GALNT18: variants seen among roughly 807,000 people sequenced by gnomAD.
GALNT18 encodes the protein polypeptide N-acetylgalactosaminyltransferase 18, also known as GalNAc-transferase 18.
GALNT18 carries 44 observed loss-of-function variants against 69.5 expected under a neutral mutation model. That is an observed-to-expected ratio of 0.63 (90% CI 0.50 to 0.81). GALNT18 has a LOEUF of 0.81. GALNT18 is among the 40% of genes least tolerant of loss of function. The pLI is 0.00. For synonymous variants in GALNT18, 364 were observed against 318.2 expected, an observed-to-expected ratio of 1.14 and a Z score of -1.53; for missense variants, 715 against 810.0, an observed-to-expected ratio of 0.88 and a Z score of 1.42.
intron 1 of GALNT18, among the ~76,000 whole-genome samples, chr11:11,504,760 A>AAT (rs35308753): frequency 0.56 from 83,408 of 149,504 alleles, 23,269 homozygotes; most frequent in East Asian, 0.74. Flanking sequence ...CCCATCTCAA[A>AAT]ATATATATAT....
chr11:11,390,900 A>G (rs1854175545), intron 3 of GALNT18, among the ~76,000 whole-genome samples: 1 of 152,162 alleles, frequency 6.6e-6, no homozygotes, highest in Admixed American at 6.5e-5. Flanking sequence ...ACAAGACTTA[A>G]ACTCTCTGAG....
chr11:11,471,546 T>C (rs1230851275), intron 1 of GALNT18, among the ~76,000 whole-genome samples: 5 of 152,166 alleles, frequency 3.3e-5, no homozygotes, highest in Admixed American at 3.3e-4. Context: ...CTTTCAATGC[T>C]TCCCCCTTTC....
chr11:11,560,075 T>C (rs1401937795), intron 1 of GALNT18, among the ~76,000 whole-genome samples: 1 of 49,400 alleles, frequency 2.0e-5, no homozygotes, highest in African/African-American at 7.9e-5. Context: ...TGGAATAGAA[T>C]GGGATATGAT....
chr11:11,374,213 T>A (rs1282823536), intron 5 of GALNT18, among the ~76,000 whole-genome samples: 1 of 152,140 alleles, frequency 6.6e-6, no homozygotes, highest in Non-Finnish European at 1.5e-5. Flanking sequence ...GCCTTCGAGG[T>A]AGTCTCTCTG....
intron 10 of GALNT18, among the ~76,000 whole-genome samples, chr11:11,278,240 TAGAC>T (rs1322000806): frequency 1.3e-5 from 2 of 151,562 alleles, no homozygotes; most frequent in East Asian, 3.9e-4. Context: ...CCTTTAATGT[TAGAC>T]AGATCAATGA....
In GALNT18 at chr11:11,595,797, T is replaced by C. The variant is rs189777800; in HGVS notation, c.235+25562A>G. ...TTCTGGATATTAACCCCTTACCAGA[T>C]AAATGACTCCCAAATATTTTCCCCA... On this transcript the variant is annotated intron_variant, in intron 1 of 10. Coordinates refer to ENST00000227756, the MANE Select transcript of GALNT18 (RefSeq NM_198516.3). The surrounding 1 kb of genome is among the most constrained non-coding windows in gnomAD (Gnocchi z 5.2). Among the ~76,000 whole-genome samples the C allele has an allele frequency of 1.2e-4, 18 of 152,350 alleles. No homozygotes were observed. Among genetic ancestry groups the C allele is most frequent in the Admixed American group, 1.0e-3 (16 of 15,306 alleles).
chr11:11,605,508 T>C lies in GALNT18; in HGVS notation c.235+15851A>G, dbSNP rs1025859166. The stretch of plus-strand genomic sequence containing the variant: ...TCTGAGGTTCTCACAGACCTCGGGG[T>C]GAACAGGAGGCCCTCTGTTTCTGCT... On this transcript the variant is annotated intron_variant, in intron 1 of 10. Coordinates refer to ENST00000227756, the MANE Select transcript of GALNT18 (RefSeq NM_198516.3). The surrounding 1 kb of genome is among the most constrained non-coding windows in gnomAD (Gnocchi z 4.7). 3.9e-5 allele frequency among the ~76,000 whole-genome samples: 6 copies of C among 152,222 alleles called. No homozygotes were observed. The highest frequency in any genetic ancestry group is 5.9e-5 in the Non-Finnish European group (4 of 68,002).
At chr11:11,298,626 G>A (rs1211765823) in intron 9 of GALNT18, among the ~76,000 whole-genome samples, 2 of 152,226 alleles carry the variant, frequency 1.3e-5, no homozygotes, top group Non-Finnish European at 2.9e-5. Context: ...GGGACTACCA[G>A]GGCCGTTCCC....
chr11:11,402,576 C>G lies in GALNT18; in HGVS notation c.596-23312G>C, dbSNP rs1306133041. On this transcript the variant is annotated intron_variant, in intron 3 of 10. Transcript: ENST00000227756. The surrounding 1 kb of genome is among the most constrained non-coding windows in gnomAD (Gnocchi z 4.0). Reference sequence around the variant, plus strand: ...GTGACACTGAGGACATCAGCCACAGCTCTTGGAGAGAAGGATTGCACATGG... The same window carrying G: ...GTGACACTGAGGACATCAGCCACAGGTCTTGGAGAGAAGGATTGCACATGG... Among the ~76,000 whole-genome samples, 2 of 152,224 alleles carry G rather than the reference C, an allele frequency of 1.3e-5. No homozygotes were observed. Among genetic ancestry groups the G allele is most frequent in the Non-Finnish European group, 2.9e-5 (2 of 68,042 alleles).
chr11:11,599,856 A>G (rs1859593602), intron 1 of GALNT18, among the ~76,000 whole-genome samples: 1 of 151,982 alleles, frequency 6.6e-6, no homozygotes, highest in Admixed American at 6.6e-5. Flanking sequence ...AAGTGATTCA[A>G]TCAAGTTAAC....
chr11:11,332,566 C>T lies in GALNT18; in HGVS notation c.1416+128G>A, dbSNP rs137890362. 9.5e-6 allele frequency: 10 copies of T among 1,047,392 alleles called. No homozygotes were observed. The highest frequency in any genetic ancestry group is 1.6e-5 in the African/African-American group (1 of 63,542). 64.9% of individuals were successfully genotyped at this position (1,047,392 alleles called of 1,614,324 possible). A position where few individuals can be genotyped will look rare whatever the true frequency, so the allele number is the denominator to read the frequency against. ...TGTCTTGCAGGTGCAGAACCCAGCG[C>T]CCGGTCCCCAGGCCTACTGCAGTTC... On this transcript the variant is annotated intron_variant, in intron 8 of 10. Transcript: ENST00000227756. The surrounding 1 kb of genome is among the most constrained non-coding windows in gnomAD (Gnocchi z 4.3).
chr11:11,512,122 CTTTAT>C (rs1189735229), intron 1 of GALNT18, among the ~76,000 whole-genome samples: 2 of 152,192 alleles, frequency 1.3e-5, no homozygotes, highest in East Asian at 3.9e-4. Context: ...GTTAAGAATT[CTTTAT>C]TAAAGTCACC....
intron 1 of GALNT18, among the ~76,000 whole-genome samples, chr11:11,458,498 T>A (rs1855970458): frequency 1.3e-5 from 2 of 152,214 alleles, no homozygotes; most frequent in African/African-American, 2.4e-5. Context: ...AAATGTACAT[T>A]TCTCTTGTCG....
intron 9 of GALNT18, among the ~76,000 whole-genome samples, chr11:11,321,631 C>A (rs554805819): frequency 6.6e-6 from 1 of 152,178 alleles, no homozygotes; most frequent in Non-Finnish European, 1.5e-5. Flanking sequence ...GAGATGGAGT[C>A]TCACTCTGTC....
chr11:11,334,807 A>G (rs571035755), intron 7 of GALNT18, among the ~76,000 whole-genome samples: 28 of 152,294 alleles, frequency 1.8e-4, no homozygotes, highest in African/African-American at 6.7e-4. Context: ...AGGTCAGGAA[A>G]CTTCCATCAG....
At position 11,444,929 on chromosome 11, in the gene GALNT18, T is replaced by C. The variant is rs2133814057; in HGVS notation, c.428+3815A>G. Among the ~76,000 whole-genome samples, 1 of 152,322 alleles carries C rather than the reference T, an allele frequency of 6.6e-6. No individual in the cohort carries two copies. The highest frequency in any genetic ancestry group is 2.1e-4 in the South Asian group (1 of 4,828). ...AATCTTCCAGAGACTGCAGTGACTGTGGGCTTCCTCTCCACATGCTGACCC... is the reference window on the plus strand; with the variant it reads ...AATCTTCCAGAGACTGCAGTGACTGCGGGCTTCCTCTCCACATGCTGACCC... On this transcript the variant is annotated intron_variant, in intron 2 of 10. Transcript: ENST00000227756. This position sits in a 1 kb window ranked among gnomAD's most constrained non-coding sequence, Gnocchi z 4.4.
At chr11:11,417,940 A>T (rs1854902954) in intron 3 of GALNT18, among the ~76,000 whole-genome samples, 1 of 152,250 alleles carries the variant, frequency 6.6e-6, no homozygotes, top group African/African-American at 2.4e-5. Flanking sequence ...CTAACACATG[A>T]AAGATGCTTA....
chr11:11,388,663 C>A (rs1317402030), intron 3 of GALNT18, among the ~76,000 whole-genome samples: 2 of 152,190 alleles, frequency 1.3e-5, no homozygotes, highest in Admixed American at 1.3e-4. Context: ...CTCGGCTAGT[C>A]CAGGTCAGCC....
chr11:11,384,922 C>T (rs993368204), intron 3 of GALNT18, among the ~76,000 whole-genome samples: 2 of 152,206 alleles, frequency 1.3e-5, no homozygotes, highest in East Asian at 1.9e-4. Context: ...GCATATTGGT[C>T]CATTTGTGTA....
Sources: gnomAD v4.1 joint callset for allele counts (sites outside exome capture counted in the v4.1 genomes callset) on GRCh38, gnomAD v4.1.1 for gene constraint, Gnocchi (gnomAD v3.1) non-coding constraint, MANE v1.5 for transcripts, NCBI Gene and HGNC (gene_info 2026-07-23, HGNC 2026-07-21) for gene names.